The following CDH4 variants were observed in gnomAD, a reference collection of about 807,000 sequenced individuals.
CDH4 encodes cadherin-4.
CDH4 carries 33 observed loss-of-function variants against 86.0 expected under a neutral mutation model. That is an observed-to-expected ratio of 0.38 (90% CI 0.29 to 0.51). The LOEUF is 0.51. Among genes scored for constraint, CDH4 ranks in the 20% least tolerant of loss-of-function variants. The probability of loss-of-function intolerance (pLI) is 0.86; values close to 1 mark genes in which losing one functional copy is unlikely to be tolerated. For missense variants in CDH4, 1,114 were observed against 1,307.4 expected (o/e 0.85, Z 2.28); for synonymous variants, 555 against 549.4 (o/e 1.01, Z -0.14).
At chr20:61,632,377 C>T (rs1002616885) in intron 2 of CDH4, among the ~76,000 whole-genome samples, 5 of 152,158 alleles carry the variant, frequency 3.3e-5, no homozygotes, top group African/African-American at 1.2e-4. Context: ...CTGTGCTTTT[C>T]AGCAAAACAG....
At chr20:61,564,992 C>A (rs2086253335) in intron 2 of CDH4, among the ~76,000 whole-genome samples, 1 of 149,386 alleles carries the variant, frequency 6.7e-6, no homozygotes, top group Admixed American at 6.8e-5. Context: ...GGAAAGCAGC[C>A]ACCTGGTAGA....
At chr20:61,564,512 C>G (rs557701353) in intron 2 of CDH4, among the ~76,000 whole-genome samples, 58 of 152,210 alleles carry the variant, frequency 3.8e-4, no homozygotes, top group African/African-American at 1.3e-3. Context: ...ACCTCCCCCT[C>G]CCTCGTGCTC....
intron 2 of CDH4, among the ~76,000 whole-genome samples, chr20:61,658,504 G>C (rs2087216630): frequency 6.6e-6 from 1 of 152,198 alleles, no homozygotes; most frequent in Non-Finnish European, 1.5e-5. Context: ...TGAGTGTCCA[G>C]GGTAGGACCC....
At chr20:61,907,047 C>T (rs1436257929) in intron 8 of CDH4, among the ~76,000 whole-genome samples, 2 of 152,040 alleles carry the variant, frequency 1.3e-5, no homozygotes, top group African/African-American at 2.4e-5. Flanking sequence ...TGCAAAGCTC[C>T]CCCAACCCTG....
intron 2 of CDH4, among the ~76,000 whole-genome samples, chr20:61,598,278 T>A (rs1409898499): frequency 6.6e-6 from 1 of 152,008 alleles, no homozygotes; most frequent in Non-Finnish European, 1.5e-5. Flanking sequence ...CCCACCGGCC[T>A]GCCTGCTTCC....
chr20:61,899,913 G>T (rs1258489774), intron 8 of CDH4, among the ~76,000 whole-genome samples: 1 of 152,212 alleles, frequency 6.6e-6, no homozygotes, highest in Non-Finnish European at 1.5e-5. Flanking sequence ...TTTTGCCAGA[G>T]GCAGGGTGTC....
chr20:61,712,720 C>T (rs969002885), intron 2 of CDH4, among the ~76,000 whole-genome samples: 2 of 152,200 alleles, frequency 1.3e-5, no homozygotes, highest in Non-Finnish European at 2.9e-5. Flanking sequence ...CAGCAGGAGC[C>T]GTGGCGAGCT....
chr20:61,906,685 G>A (rs1482021423), intron 8 of CDH4, among the ~76,000 whole-genome samples: 5 of 151,930 alleles, frequency 3.3e-5, no homozygotes, highest in South Asian at 2.1e-4. Context: ...GGGGCAAGAC[G>A]GTGTCCCCAG....
intron 2 of CDH4, among the ~76,000 whole-genome samples, chr20:61,453,473 G>A (rs889884324): frequency 1.3e-5 from 2 of 152,098 alleles, no homozygotes; most frequent in Non-Finnish European, 2.9e-5. Context: ...GTCTCTCATG[G>A]GAGGAGGATG....
chr20:61,440,733 C>T (rs759816732), intron 2 of CDH4, among the ~76,000 whole-genome samples: 10 of 152,182 alleles, frequency 6.6e-5, no homozygotes, highest in African/African-American at 1.9e-4. Context: ...CGGCCCGTGG[C>T]GGGCGCCATG....
rs550330530 is a variant in CDH4, at chr20:61,262,002, G to A, written c.169+7065G>A. Among the ~76,000 whole-genome samples the A allele has an allele frequency of 7.2e-5, 11 of 152,320 alleles. No homozygotes were observed. The South Asian group carries it at 1.9e-3, about 26-fold the overall frequency. On this transcript the variant is annotated intron_variant, in intron 2 of 15. Coordinates refer to ENST00000614565, the MANE Select transcript of CDH4 (RefSeq NM_001794.5). ...CTCTCGGATTTTAGACTCTGCCAGC[G>A]CTGGGGAAGCCGGGCAGAGAGGGAG...
At chr20:61,779,332 C>T (rs762571307) in intron 4 of CDH4, among the ~76,000 whole-genome samples, 6 of 152,154 alleles carry the variant, frequency 3.9e-5, no homozygotes, top group South Asian at 4.1e-4. Context: ...TCATGCAAAC[C>T]CTCGGGCCCC....
chr20:61,883,532 A>G (rs1332701807), intron 7 of CDH4, among the ~76,000 whole-genome samples: 2 of 152,196 alleles, frequency 1.3e-5, no homozygotes, highest in Admixed American at 6.5e-5. Context: ...ACAGTGCCCA[A>G]TTTGGGAAAA....
At chr20:61,620,166 A>ATGGGCGGATGGGTGGGTGGG in intron 2 of CDH4, among the ~76,000 whole-genome samples, 1 of 97,974 alleles carries the variant, frequency 1.0e-5, no homozygotes, top group Admixed American at 1.2e-4. Flanking sequence ...GGATGGATGG[A>ATGGGCGGATGGGTGGGTGGG]TGGATGGATG....
intron 2 of CDH4, among the ~76,000 whole-genome samples, chr20:61,504,811 C>T (rs1395855698): frequency 6.6e-6 from 1 of 152,240 alleles, no homozygotes; most frequent in Admixed American, 6.5e-5. Flanking sequence ...CCCTTGATCT[C>T]GGCACAGAGT....
rs868670299 is a variant in CDH4 at position 61,510,353 on chromosome 20, C to G, written c.170-233210C>G. ...GGATTGTGATGTAAGGCACAAGGCC[C>G]GACTCTGGAGATGTCTGGTGCATGG... is the stretch of plus-strand genomic sequence containing the variant. On this transcript the variant is annotated intron_variant, in intron 2 of 15. Transcript: ENST00000614565. The surrounding 1 kb of genome is among the most constrained non-coding windows in gnomAD (Gnocchi z 4.2). Among the ~76,000 whole-genome samples the G allele has an allele frequency of 6.6e-6, 1 of 152,062 alleles. No individual in the cohort carries two copies. The highest frequency in any genetic ancestry group is 1.5e-5 in the Non-Finnish European group (1 of 68,014).
chr20:61,810,726 G>A lies in CDH4; in HGVS notation c.577-33942G>A, dbSNP rs1260978741. On this transcript the variant is annotated intron_variant, in intron 4 of 15. Transcript: ENST00000614565. This position sits in a 1 kb window ranked among gnomAD's most constrained non-coding sequence, Gnocchi z 4.3. Reference sequence around the variant, plus strand: ...CTCTGCCGCTAGATGACGTGTAGCCGCATTCAGGGTCTGGCTGCCAGGGCA... The same window carrying A: ...CTCTGCCGCTAGATGACGTGTAGCCACATTCAGGGTCTGGCTGCCAGGGCA... Among the ~76,000 whole-genome samples, 5 of 152,176 alleles carry A rather than the reference G, an allele frequency of 3.3e-5. No individual in the cohort carries two copies. The highest frequency in any genetic ancestry group is 1.3e-4 in the Admixed American group (2 of 15,278).
At chr20:61,336,653 G>GTCAA (rs1327828529) in intron 2 of CDH4, among the ~76,000 whole-genome samples, 1 of 152,184 alleles carries the variant, frequency 6.6e-6, no homozygotes, top group East Asian at 1.9e-4. Context: ...CAGCCTGTAG[G>GTCAA]ATGAAACTTC....
At chr20:61,678,224 A>C (rs1452368391) in intron 2 of CDH4, among the ~76,000 whole-genome samples, 1 of 152,110 alleles carries the variant, frequency 6.6e-6, no homozygotes, top group Non-Finnish European at 1.5e-5. Context: ...CACAGATGAC[A>C]GATACATAGA....
Sources: allele counts gnomAD v4.1 joint callset (sites outside exome capture counted in the v4.1 genomes callset), GRCh38; gene constraint gnomAD v4.1.1; non-coding constraint Gnocchi (gnomAD v3.1); transcripts MANE v1.5; gene names NCBI Gene and HGNC (gene_info 2026-07-23, HGNC 2026-07-21).